The following GPR176 variants were observed in gnomAD, a reference collection of about 807,000 sequenced individuals.
The protein encoded by GPR176 is G protein-coupled receptor 176.
Under a neutral mutation model 35.4 loss-of-function variants are expected in GPR176, and 26 were observed. The observed-to-expected ratio is 0.74, with a 90% confidence interval of 0.54 to 1.02. GPR176 has a LOEUF of 1.02. Among genes scored for constraint, GPR176 ranks in the 50% least tolerant of loss-of-function variants. GPR176 has a pLI of 0.00. For synonymous variants in GPR176, 278 were observed against 271.3 expected, an observed-to-expected ratio of 1.02 and a Z score of -0.24; for missense variants, 597 against 665.3, an observed-to-expected ratio of 0.90 and a Z score of 1.13.
chr15:39,870,771 T>C (rs1434765609), intron 1 of GPR176, among the ~76,000 whole-genome samples: 1 of 152,014 alleles, frequency 6.6e-6, no homozygotes, highest in East Asian at 1.9e-4. Flanking sequence ...CCTGCTGACT[T>C]TGAAGTGAGG....
At chr15:39,832,688 C>CACACACACACACAA (rs1318473908) in intron 1 of GPR176, among the ~76,000 whole-genome samples, 2 of 150,818 alleles carry the variant, frequency 1.3e-5, no homozygotes, top group Admixed American at 6.6e-5. Context: ...CACACACACA[C>CACACACACACACAA]AAATCTTATA....
intron 1 of GPR176, among the ~76,000 whole-genome samples, chr15:39,826,667 T>C (rs984952894): frequency 6.6e-6 from 1 of 152,252 alleles, no homozygotes; most frequent in African/African-American, 2.4e-5. Context: ...ATCTTTTTGA[T>C]TATTTTAAAT....
intron 1 of GPR176, among the ~76,000 whole-genome samples, chr15:39,913,430 A>G (rs1243770929): frequency 6.6e-6 from 1 of 152,120 alleles, no homozygotes; most frequent in Non-Finnish European, 1.5e-5. Flanking sequence ...TTGTAGTCCC[A>G]TCTATTCAGA....
rs369009336 is a variant in GPR176 at position 39,801,949 on chromosome 15, G to A, written c.731C>T (p.Ala244Val). Residue 244 changes from alanine to valine, a missense_variant, in exon 3 of 3, where the codon GCG (alanine) becomes GTG (valine). Around this residue, in one of 3 missense-constraint regions of GPR176, gnomAD observed 220 missense variants for 297.6 expected, o/e 0.74. Coordinates refer to ENST00000561100, the MANE Select transcript of GPR176 (RefSeq NM_007223.3). ...ASQKKKVIIA[A>V]LRTPQNTISI... ...GATGGTGTTCTGTGGGGTCCGGAGC[G>A]CTGCTATGATGACCTTCTTCTTCTG... 28 of 1,613,900 alleles carry A rather than the reference G, an allele frequency of 1.7e-5. No individual in the cohort carries two copies. Among genetic ancestry groups the A allele is most frequent in the East Asian group, 2.2e-5 (1 of 44,886 alleles).
Position 39,806,994 on chromosome 15 carries a change from A to C in GPR176, c.425+12T>G, listed in dbSNP as rs1421123712. 1 of 1,574,006 alleles carries C rather than the reference A, an allele frequency of 6.4e-7. No homozygotes were observed. The highest frequency in any genetic ancestry group is 8.6e-7 in the Non-Finnish European group (1 of 1,165,290). ...TAAAAAAAAAAGTTAGCTCCTGGCTACCTGATCTTACCTGTCCAAAGCAAT... is the reference window on the plus strand; with the variant it reads ...TAAAAAAAAAAGTTAGCTCCTGGCTCCCTGATCTTACCTGTCCAAAGCAAT... On this transcript the variant is annotated intron_variant, in intron 2 of 2. Coordinates refer to ENST00000561100, the MANE Select transcript of GPR176 (RefSeq NM_007223.3).
chr15:39,831,993 T>TGC (rs1901110958), intron 1 of GPR176, among the ~76,000 whole-genome samples: 2 of 113,852 alleles, frequency 1.8e-5, no homozygotes, highest in South Asian at 2.7e-4. Flanking sequence ...CACATGTGCA[T>TGC]GCACACACAC....
chr15:39,919,528 G>C (rs995611510), intron 1 of GPR176, among the ~76,000 whole-genome samples: 2 of 152,088 alleles, frequency 1.3e-5, no homozygotes, highest in Non-Finnish European at 2.9e-5. Context: ...TTTATTCCTC[G>C]CTATTTGTAA....
At chr15:39,877,267 C>A (rs931493717) in intron 1 of GPR176, among the ~76,000 whole-genome samples, 1 of 152,050 alleles carries the variant, frequency 6.6e-6, no homozygotes, top group Non-Finnish European at 1.5e-5. Flanking sequence ...AGATGGAGGA[C>A]AAAGCTAAGA....
intron 1 of GPR176, among the ~76,000 whole-genome samples, chr15:39,913,673 A>G (rs566742860): frequency 5.9e-5 from 9 of 152,226 alleles, no homozygotes; most frequent in Non-Finnish European, 7.3e-5. Flanking sequence ...TTTAGGTTAC[A>G]TGGTTTCTTT....
At chr15:39,914,436 C>A (rs925156338) in intron 1 of GPR176, among the ~76,000 whole-genome samples, 2 of 151,760 alleles carry the variant, frequency 1.3e-5, no homozygotes, top group Non-Finnish European at 2.9e-5. Flanking sequence ...GCTTCAGCCT[C>A]CTGAATAGCT....
intron 1 of GPR176, among the ~76,000 whole-genome samples, chr15:39,855,537 G>A (rs2031159824): frequency 6.6e-6 from 1 of 152,172 alleles, no homozygotes; most frequent in South Asian, 2.1e-4. Context: ...AGCCTCTGGT[G>A]AGCACAGCAG....
At chr15:39,819,635 T>C (rs143078140) in intron 1 of GPR176, among the ~76,000 whole-genome samples, 1 of 152,330 alleles carries the variant, frequency 6.6e-6, no homozygotes, top group Non-Finnish European at 1.5e-5. Context: ...GAGAGATGTA[T>C]TCAACAATGA....
At chr15:39,864,391 G>A (rs866140631) in intron 1 of GPR176, among the ~76,000 whole-genome samples, 4 of 152,156 alleles carry the variant, frequency 2.6e-5, no homozygotes, top group Non-Finnish European at 5.9e-5. Context: ...ATACACTGGG[G>A]AAAGGAAATC....
intron 2 of GPR176, among the ~76,000 whole-genome samples, chr15:39,804,879 A>G (rs1314960810): frequency 2.6e-5 from 4 of 152,252 alleles, no homozygotes; most frequent in African/African-American, 7.2e-5. Flanking sequence ...TGTAATGTCC[A>G]ATAAAGCAAA....
chr15:39,897,638 G>A (rs888844875), intron 1 of GPR176, among the ~76,000 whole-genome samples: 8 of 117,512 alleles, frequency 6.8e-5, no homozygotes, highest in Non-Finnish European at 4.8e-5. Flanking sequence ...ACGGAGTCTC[G>A]CTCTGTCGCC....
intron 1 of GPR176, among the ~76,000 whole-genome samples, chr15:39,854,253 C>T (rs762956218): frequency 7.2e-5 from 11 of 152,054 alleles, no homozygotes; most frequent in Admixed American, 2.0e-4. Context: ...TAAACTCTAG[C>T]CCAAAAGAAA....
chr15:39,806,780 A>C (rs1899217450), intron 2 of GPR176, among the ~76,000 whole-genome samples: 1 of 152,054 alleles, frequency 6.6e-6, no homozygotes, highest in African/African-American at 2.4e-5. Context: ...TCACCATGGA[A>C]CTCCCATCCC....
chr15:39,835,588 T>C (rs1414163923), intron 1 of GPR176, among the ~76,000 whole-genome samples: 1 of 151,856 alleles, frequency 6.6e-6, no homozygotes, highest in Non-Finnish European at 1.5e-5. Flanking sequence ...ATTCTCAGAG[T>C]CTAAGGTGGA....
chr15:39,848,915 TA>T (rs35585820), intron 1 of GPR176, among the ~76,000 whole-genome samples: 25,405 of 84,738 alleles, frequency 0.3, 2,548 homozygotes, highest in Admixed American at 0.46. Flanking sequence ...AAAAGCAAAG[TA>T]AAAAAAAAAA....
Sources: gnomAD v4.1 joint callset for allele counts (sites outside exome capture counted in the v4.1 genomes callset) on GRCh38, gnomAD v4.1.1 for gene constraint, gnomAD v4.1.1 regional missense constraint, MANE v1.5 for transcripts, NCBI Gene and HGNC (gene_info 2026-07-23, HGNC 2026-07-21) for gene names.